INPP4B: variants seen among roughly 807,000 people sequenced by gnomAD.
INPP4B encodes the protein inositol polyphosphate 4-phosphatase type II.
In INPP4B, 55 loss-of-function variants were observed where a neutral mutation model predicts 122.5. The observed-to-expected ratio is 0.45, with a 90% confidence interval of 0.36 to 0.56. The LOEUF (loss-of-function observed/expected upper bound fraction) is 0.56, where lower values mean the gene tolerates loss of function less well. Ranked by LOEUF, INPP4B falls within the 20% of genes least tolerant of loss-of-function variation. The pLI, the probability that INPP4B is intolerant of heterozygous loss-of-function variation, is 0.00. For missense variants in INPP4B, 1,000 were observed against 1,097.7 expected, an observed-to-expected ratio of 0.91 and a Z score of 1.26; for synonymous variants, 403 against 388.7, an observed-to-expected ratio of 1.04 and a Z score of -0.43.
chr4:142,239,018 AAAT>A (rs1323345852), intron 11 of INPP4B, among the ~76,000 whole-genome samples: 1 of 152,134 alleles, frequency 6.6e-6, no homozygotes, highest in African/African-American at 2.4e-5. Context: ...AGGCTGTAAA[AAAT>A]ACTGAACATG....
chr4:142,559,627 TTA>T (rs1730009282), intron 2 of INPP4B, among the ~76,000 whole-genome samples: 1 of 152,152 alleles, frequency 6.6e-6, no homozygotes, highest in Non-Finnish European at 1.5e-5. Context: ...TGATTTAATT[TTA>T]GAGTGTCACC....
chr4:142,808,375 C>A (rs1779108261), intron 1 of INPP4B, among the ~76,000 whole-genome samples: 2 of 152,098 alleles, frequency 1.3e-5, no homozygotes, highest in Admixed American at 6.6e-5. Context: ...AAGAAAATGA[C>A]AGAGAGAAAG....
chr4:142,132,138 T>G (rs1348773688), intron 18 of INPP4B, among the ~76,000 whole-genome samples: 1 of 152,176 alleles, frequency 6.6e-6, no homozygotes, highest in Non-Finnish European at 1.5e-5. Context: ...CAGTGAGCCT[T>G]TAAGATATAC....
intron 7 of INPP4B, among the ~76,000 whole-genome samples, chr4:142,347,752 G>T (rs572035635): frequency 7.9e-5 from 12 of 151,860 alleles, no homozygotes; most frequent in East Asian, 1.9e-4. Context: ...ATGAGATAGA[G>T]ATTGCACTAG....
intron 1 of INPP4B, among the ~76,000 whole-genome samples, chr4:142,794,730 G>T (rs1777004837): frequency 6.6e-6 from 1 of 151,586 alleles, no homozygotes; most frequent in Admixed American, 6.6e-5. Flanking sequence ...AATATATAAA[G>T]CTCATATGCC....
chr4:142,420,680 A>T (rs1295199903), intron 5 of INPP4B, among the ~76,000 whole-genome samples: 1 of 152,144 alleles, frequency 6.6e-6, no homozygotes, highest in Admixed American at 6.5e-5. Flanking sequence ...ATTAAAATCC[A>T]GATTGCTCTA....
chr4:142,498,203 G>GTATA (rs529732516), intron 2 of INPP4B, among the ~76,000 whole-genome samples: 1 of 146,822 alleles, frequency 6.8e-6, no homozygotes. Flanking sequence ...GTGCGTGTGT[G>GTATA]TATATATATA....
chr4:142,595,452 A>C (rs1473502978), intron 2 of INPP4B, among the ~76,000 whole-genome samples: 1 of 152,232 alleles, frequency 6.6e-6, no homozygotes. Flanking sequence ...TAAAGGTCAA[A>C]GGCTAGTCAA....
At chr4:142,045,999 C>A (rs1412904015) in intron 25 of INPP4B, among the ~76,000 whole-genome samples, 1 of 151,812 alleles carries the variant, frequency 6.6e-6, no homozygotes, top group Non-Finnish European at 1.5e-5. Context: ...TCTGGGAAAG[C>A]CTTTTTTGAG....
In INPP4B at chr4:142,405,128, G is replaced by GA. The variant is rs1400688300; in HGVS notation, c.255+77_255+78insT. On this transcript the variant is annotated intron_variant, in intron 6 of 25. Coordinates refer to ENST00000262992, the MANE Select transcript of INPP4B (RefSeq NM_001101669.3). ...GAGATGGGGCGGGGGTGGGGGGGAG[G>GA]GAGAGAGAGAGCAAGAGCGAGCGAG... The GA allele has an allele frequency of 2.0e-5, 14 of 689,780 alleles. No individual in the cohort carries two copies. In the African/African-American group the frequency reaches 2.7e-4, roughly 13 times the overall value. The allele number at this position is 689,780 out of a possible 1,614,324, so 42.7% of individuals were successfully genotyped here.
intron 1 of INPP4B, among the ~76,000 whole-genome samples, chr4:142,803,667 AC>A (rs1438867199): frequency 5.9e-5 from 9 of 151,728 alleles, no homozygotes; most frequent in South Asian, 2.1e-4. Flanking sequence ...AAAAACAAAA[AC>A]AAAGAAAAGA....
intron 21 of INPP4B, among the ~76,000 whole-genome samples, chr4:142,121,228 T>G (rs1796431701): frequency 8.8e-6 from 1 of 114,186 alleles, no homozygotes; most frequent in Admixed American, 8.8e-5. Context: ...AGGATGTGGG[T>G]TTTTTTGTGA....
intron 2 of INPP4B, among the ~76,000 whole-genome samples, chr4:142,548,727 A>G (rs910753265): frequency 8.0e-5 from 12 of 150,352 alleles, no homozygotes; most frequent in African/African-American, 2.7e-4. Context: ...TTAAGTACCA[A>G]ATATAGTGCA....
In INPP4B at chr4:142,280,285, A is replaced by G. The variant is rs151281091; in HGVS notation, c.504-9511T>C. Among the ~76,000 whole-genome samples, 317 of 152,092 alleles carry G rather than the reference A, an allele frequency of 2.1e-3. 1 individual carries two copies. The highest frequency in any genetic ancestry group is 7.1e-3 in the African/African-American group (293 of 41,536). On this transcript the variant is annotated intron_variant, in intron 9 of 25. Coordinates refer to ENST00000262992, the MANE Select transcript of INPP4B (RefSeq NM_001101669.3). Reference sequence around the variant, plus strand: ...CATTCATAATAGCCAAAAAACTGGAAACAATAGAAATATCCTTTAATGTAA... The same window carrying G: ...CATTCATAATAGCCAAAAAACTGGAGACAATAGAAATATCCTTTAATGTAA...
intron 2 of INPP4B, among the ~76,000 whole-genome samples, chr4:142,656,540 C>T (rs1356502062): frequency 1.3e-5 from 2 of 152,148 alleles, no homozygotes; most frequent in African/African-American, 2.4e-5. Context: ...CAGCTCCCTG[C>T]TTTGCTGGGG....
At chr4:142,029,138 T>C (rs922996984) in intron 25 of INPP4B, 55 of 1,230,366 alleles carry the variant, frequency 4.5e-5, no homozygotes, top group Non-Finnish European at 5.1e-6. Context: ...CTCTTTACTC[T>C]TAACATTTAA....
At chr4:142,640,719 T>C (rs1379664867) in intron 2 of INPP4B, among the ~76,000 whole-genome samples, 1 of 151,354 alleles carries the variant, frequency 6.6e-6, no homozygotes, top group African/African-American at 2.4e-5. Context: ...CAATAATTCC[T>C]AACAATTAAA....
intron 11 of INPP4B, among the ~76,000 whole-genome samples, chr4:142,247,573 T>A (rs1729546720): frequency 6.6e-6 from 1 of 152,160 alleles, no homozygotes; most frequent in Admixed American, 6.5e-5. Flanking sequence ...TCTAGTTTAT[T>A]TGCATAGTGG....
chr4:142,755,620 T>A (rs965512093), intron 1 of INPP4B, among the ~76,000 whole-genome samples: 2 of 152,062 alleles, frequency 1.3e-5, no homozygotes, highest in Non-Finnish European at 1.5e-5. Flanking sequence ...ATCACAGATA[T>A]AAAATTAATC....
Sources: gnomAD v4.1 joint callset for allele counts (sites outside exome capture counted in the v4.1 genomes callset) on GRCh38, gnomAD v4.1.1 for gene constraint, MANE v1.5 for transcripts, NCBI Gene and HGNC (gene_info 2026-07-23, HGNC 2026-07-21) for gene names.